The following RPS6KA1 variants were observed in gnomAD, a reference collection of about 807,000 sequenced individuals.
RPS6KA1 encodes ribosomal protein S6 kinase A1.
Under a neutral mutation model 91.3 loss-of-function variants are expected in RPS6KA1, and 48 were observed. The ratio of observed to expected loss-of-function variants is 0.53; its 90% CI spans 0.42 to 0.67. RPS6KA1 has a LOEUF of 0.67. Ranked by LOEUF, RPS6KA1 falls within the 30% of genes least tolerant of loss-of-function variation. The probability of loss-of-function intolerance (pLI) is 0.00; values close to 1 mark genes in which losing one functional copy is unlikely to be tolerated. For synonymous variants in RPS6KA1, 359 were observed against 384.7 expected (o/e 0.93, Z 0.78); for missense variants, 719 against 960.5 (o/e 0.75, Z 3.32).
At chr1:26,546,587 G>A (rs373593366) in intron 2 of RPS6KA1, among the ~76,000 whole-genome samples, 1 of 152,356 alleles carries the variant, frequency 6.6e-6, no homozygotes, top group East Asian at 1.9e-4. Context: ...CTCAGCCAGA[G>A]CCTGGGGTTG....
At chr1:26,563,426 CTTG>C in intron 17 of RPS6KA1, among the ~76,000 whole-genome samples, 1 of 152,010 alleles carries the variant, frequency 6.6e-6, no homozygotes, top group East Asian at 2.0e-4. Context: ...GGGGTTTTGG[CTTG>C]TTGCCCAGGC....
chr1:26,562,693 C>G (rs1010315714), intron 17 of RPS6KA1, among the ~76,000 whole-genome samples: 2 of 152,134 alleles, frequency 1.3e-5, no homozygotes, highest in Non-Finnish European at 2.9e-5. Context: ...TAGGGTGCAT[C>G]TGATCAGACA....
In RPS6KA1 at chr1:26,551,346, G is replaced by A. The variant is rs2124635986; in HGVS notation, c.308-51G>A. 1.3e-6 allele frequency: 2 copies of A among 1,514,970 alleles called. No homozygotes were observed. Among genetic ancestry groups the A allele is most frequent in the South Asian group, 1.1e-5 (1 of 89,044 alleles). 93.8% of individuals were successfully genotyped at this position (1,514,970 alleles called of 1,614,324 possible). A position where few individuals can be genotyped will look rare whatever the true frequency, so the allele number is the denominator to read the frequency against. Reference sequence around the variant, plus strand: ...GATCCCTTAGCGGGGGCTTGGGAGTGGCTGTGTTGAGTGTCTAGGCTACTG... The same window carrying A: ...GATCCCTTAGCGGGGGCTTGGGAGTAGCTGTGTTGAGTGTCTAGGCTACTG... On this transcript the variant is annotated intron_variant, in intron 4 of 21. Transcript: ENST00000374168. The surrounding 1 kb of genome is among the most constrained non-coding windows in gnomAD (Gnocchi z 4.5).
At position 26,571,999 on chromosome 1, in the gene RPS6KA1, A is replaced by G. The variant is rs2076253460; in HGVS notation, c.1829+74A>G. 3 of 1,492,378 alleles carry G rather than the reference A, an allele frequency of 2.0e-6. No individual in the cohort carries two copies. Among genetic ancestry groups the G allele is most frequent in the Non-Finnish European group, 2.8e-6 (3 of 1,079,894 alleles). 92.4% of individuals were successfully genotyped at this position (1,492,378 alleles called of 1,614,324 possible). Reference sequence around the variant, plus strand: ...TTGGGCTGAGTGGTGCTTGTCTGATAGGAATGGCTCAGCCAGCCCCGCCCC... The same window carrying G: ...TTGGGCTGAGTGGTGCTTGTCTGATGGGAATGGCTCAGCCAGCCCCGCCCC... On this transcript the variant is annotated intron_variant, in intron 19 of 21. Coordinates refer to ENST00000374168, the MANE Select transcript of RPS6KA1 (RefSeq NM_002953.4). This position sits in a 1 kb window ranked among gnomAD's most constrained non-coding sequence, Gnocchi z 5.1.
At chr1:26,531,984 C>T (rs1420267637) in intron 1 of RPS6KA1, among the ~76,000 whole-genome samples, 1 of 152,146 alleles carries the variant, frequency 6.6e-6, no homozygotes, top group Non-Finnish European at 1.5e-5. Flanking sequence ...GCGATACAGC[C>T]GCCTGACCTG....
chr1:26,531,019 A>T (rs1029934520), intron 1 of RPS6KA1: 9 of 704,138 alleles, frequency 1.3e-5, no homozygotes, highest in Non-Finnish European at 1.5e-5. Context: ...CCCCTGTCTC[A>T]GTCCCCTCCT....
chr1:26,554,555 C>T lies in RPS6KA1; in HGVS notation c.614-41C>T, dbSNP rs1366965692. 2.5e-6 allele frequency: 4 copies of T among 1,574,376 alleles called. No homozygotes were observed. Among genetic ancestry groups the T allele is most frequent in the Admixed American group, 3.5e-5 (2 of 56,370 alleles). On this transcript the variant is annotated intron_variant, in intron 8 of 21. Transcript: ENST00000374168. The surrounding 1 kb of genome is among the most constrained non-coding windows in gnomAD (Gnocchi z 4.6). ...GTGCAAAGGGTGGCAGCAAGGAAGG[C>T]AGGGGTCCTAAGGTGTGTCCTCCTG... is the stretch of plus-strand genomic sequence containing the variant.
intron 2 of RPS6KA1, among the ~76,000 whole-genome samples, chr1:26,546,424 C>T (rs2075995042): frequency 6.6e-6 from 1 of 152,230 alleles, no homozygotes; most frequent in Non-Finnish European, 1.5e-5. Flanking sequence ...CCCTGTCCTG[C>T]TGACCAGAGG....
intron 17 of RPS6KA1, among the ~76,000 whole-genome samples, chr1:26,567,357 G>C (rs2076211807): frequency 6.6e-6 from 1 of 151,976 alleles, no homozygotes; most frequent in South Asian, 2.1e-4. Flanking sequence ...ACAGCATCTG[G>C]TCTCTAGGGT....
Position 26,547,607 on chromosome 1 carries a change from T to C in RPS6KA1, c.307+337T>C. 7.8e-6 allele frequency: 2 copies of C among 257,940 alleles called. No individual in the cohort carries two copies. Among genetic ancestry groups the C allele is most frequent in the East Asian group, 9.3e-5 (1 of 10,712 alleles). 16.0% of individuals were successfully genotyped at this position (257,940 alleles called of 1,614,324 possible). ...GTCTGGGGGAGACCTCTGTGGCCCC[T>C]AACTCAGGGGCCTGAGAGAAGGGCG... On this transcript the variant is annotated intron_variant, in intron 4 of 21. Coordinates refer to ENST00000374168, the MANE Select transcript of RPS6KA1 (RefSeq NM_002953.4). The surrounding 1 kb of genome is among the most constrained non-coding windows in gnomAD (Gnocchi z 4.1).
chr1:26,573,667 C>T (rs1415429753), intron 21 of RPS6KA1, among the ~76,000 whole-genome samples: 2 of 152,200 alleles, frequency 1.3e-5, no homozygotes, highest in South Asian at 2.1e-4. Context: ...AGGCTGGGCG[C>T]GGTGGCTCAC....
rs2076097179 is a variant in RPS6KA1 at position 26,555,874 on chromosome 1, C to T, written c.916+249C>T. On this transcript the variant is annotated intron_variant, in intron 11 of 21. Transcript: ENST00000374168. The surrounding 1 kb of genome is among the most constrained non-coding windows in gnomAD (Gnocchi z 4.3). ...CTGGGGACAAGGACAGAGGCCCCCA[C>T]ACAGCTTCTCCGCCAAGGCTGCTGG... Among the ~76,000 whole-genome samples, 1 of 152,168 alleles carries T rather than the reference C, an allele frequency of 6.6e-6. No individual in the cohort carries two copies. Among genetic ancestry groups the T allele is most frequent in the Non-Finnish European group, 1.5e-5 (1 of 68,012 alleles).
intron 2 of RPS6KA1, among the ~76,000 whole-genome samples, chr1:26,541,935 A>G (rs1300911496): frequency 6.6e-6 from 1 of 152,188 alleles, no homozygotes; most frequent in East Asian, 1.9e-4. Context: ...GAGGAAGTAA[A>G]TAAAGAGGAA....
intron 17 of RPS6KA1, among the ~76,000 whole-genome samples, chr1:26,563,134 C>T (rs1444933502): frequency 2.0e-5 from 3 of 151,694 alleles, no homozygotes; most frequent in Admixed American, 6.6e-5. Flanking sequence ...CCACCACACC[C>T]GGCCCCCATT....
intron 21 of RPS6KA1, among the ~76,000 whole-genome samples, chr1:26,573,668 G>A (rs541043510): frequency 8.5e-5 from 13 of 152,226 alleles, no homozygotes; most frequent in South Asian, 8.3e-4. Context: ...GGCTGGGCGC[G>A]GTGGCTCACA....
chr1:26,532,414 T>A (rs1021425485), intron 1 of RPS6KA1, among the ~76,000 whole-genome samples: 1 of 152,156 alleles, frequency 6.6e-6, no homozygotes, highest in Admixed American at 6.5e-5. Context: ...GAGCCAGGAT[T>A]GGAACCAAGA....
Position 26,558,811 on chromosome 1 carries a change from C to G in RPS6KA1, c.1089C>G (p.Ser363=). 6.2e-7 allele frequency: 1 copy of G among 1,607,976 alleles called. No homozygotes were observed. ...TEFTSRTPKD[S]PGIPPSAGAH... ...ATTCTCCTTCCATCCGTACAGATTC[C>G]CCAGGCATCCCCCCCAGCGCTGGGG... is the stretch of plus-strand genomic sequence containing the variant. The change falls in exon 14 of 22, where the codon TCC becomes TCG. Residue 363 remains serine (S), a synonymous_variant. Coordinates refer to ENST00000374168, the MANE Select transcript of RPS6KA1 (RefSeq NM_002953.4). This position sits in a 1 kb window ranked among gnomAD's most constrained non-coding sequence, Gnocchi z 4.0.
intron 17 of RPS6KA1, among the ~76,000 whole-genome samples, chr1:26,566,880 T>G (rs2076207323): frequency 6.6e-6 from 1 of 152,206 alleles, no homozygotes; most frequent in Non-Finnish European, 1.5e-5. Context: ...CTTCGCCTCT[T>G]TTTTGGCTGG....
chr1:26,543,099 G>A (rs1206859856), intron 2 of RPS6KA1: 74 of 1,524,362 alleles, frequency 4.9e-5, no homozygotes, highest in Non-Finnish European at 6.2e-5. Context: ...GGGCCAGGAA[G>A]GCTAAAAAAA....
Sources: allele counts gnomAD v4.1 joint callset (sites outside exome capture counted in the v4.1 genomes callset), GRCh38; gene constraint gnomAD v4.1.1; non-coding constraint Gnocchi (gnomAD v3.1); transcripts MANE v1.5; gene names NCBI Gene and HGNC (gene_info 2026-07-23, HGNC 2026-07-21).